ACAT2: variants seen among roughly 807,000 people sequenced by gnomAD.
The protein encoded by ACAT2 is acetyl-CoA acetyltransferase 2.
A neutral mutation model predicts 37.1 loss-of-function variants in ACAT2; 26 were observed. The observed-to-expected ratio is 0.70, with a 90% CI of 0.51 to 0.97. The LOEUF (loss-of-function observed/expected upper bound fraction) is 0.97. ACAT2 is among the 50% of genes least tolerant of loss of function. The probability of loss-of-function intolerance (pLI) is 0.00; values close to 1 mark genes in which losing one functional copy is unlikely to be tolerated. For missense variants in ACAT2, 468 were observed against 489.0 expected (o/e 0.96, Z 0.40); for synonymous variants, 156 against 163.6 (o/e 0.95, Z 0.35).
At chr6:159,776,791 CTTTT>C (rs575925293) in intron 6 of ACAT2, among the ~76,000 whole-genome samples, 1 of 151,296 alleles carries the variant, frequency 6.6e-6, no homozygotes, top group Non-Finnish European at 1.5e-5. Flanking sequence ...TGCTGTAATC[CTTTT>C]TTTTTCTTTT....
At position 159,778,522 on chromosome 6, in the gene ACAT2, T is replaced by TCAC. The variant is rs1780485310; in HGVS notation, c.1024-137_1024-136insCAC. Reference sequence around the variant, plus strand: ...ATGAATTTTCACAAAGGTGTAAATTTATTCCTAAGCAGTTAAAATGAAAAT... The same window carrying TCAC: ...ATGAATTTTCACAAAGGTGTAAATTTCACATTCCTAAGCAGTTAAAATGAAAAT... On this transcript the variant is annotated intron_variant, in intron 8 of 8. Transcript: ENST00000367048. The TCAC allele has an allele frequency of 3.0e-6, 3 of 995,322 alleles. No individual in the cohort carries two copies. In the East Asian group the frequency reaches 7.8e-5, roughly 26 times the overall value. The allele number at this position is 995,322 out of a possible 1,614,324, so 61.7% of individuals were successfully genotyped here. A position where few individuals can be genotyped will look rare whatever the true frequency, so the allele number is the denominator to read the frequency against.
intron 4 of ACAT2, among the ~76,000 whole-genome samples, chr6:159,770,631 G>A (rs1201432216): frequency 6.6e-6 from 1 of 151,660 alleles, no homozygotes; most frequent in Admixed American, 6.6e-5. Flanking sequence ...GAGCAACATA[G>A]TTAGACCTCA....
At chr6:159,762,328 C>T in intron 1 of ACAT2, 186 bp downstream of exon 1, 1 of 1,215,468 alleles carries the variant, frequency 8.2e-7, no homozygotes, top group East Asian at 2.6e-5. Context: ...TACAGCCCCA[C>T]CCTCTCCTCT....
At chr6:159,775,138 G>A (rs1780392569) in intron 4 of ACAT2, 32 bp from the exon 5 acceptor site, 2 of 1,611,020 alleles carry the variant, frequency 1.2e-6, no homozygotes, top group Admixed American at 1.7e-5. Flanking sequence ...TCATGAAAAT[G>A]TTAGTTTTTT....
rs374401737 is a variant in ACAT2 at position 159,762,662 on chromosome 6, A to C, written c.56-257A>C. The C allele has an allele frequency of 8.3e-5, 121 of 1,466,054 alleles. No homozygotes were observed. In the African/African-American group the frequency reaches 1.5e-3, roughly 18 times the overall value. The allele number at this position is 1,466,054 out of a possible 1,614,324, so 90.8% of individuals were successfully genotyped here. A position where few individuals can be genotyped will look rare whatever the true frequency, so the allele number is the denominator to read the frequency against. ...CATGGGGTCGCATCCAGTCCTTCGG[A>C]TTTGGGGAAATAGAAGGGCTACAGC... On this transcript the variant is annotated intron_variant, in intron 1 of 8. Coordinates refer to ENST00000367048, the MANE Select transcript of ACAT2 (RefSeq NM_005891.3).
intron 1 of ACAT2, chr6:159,762,707 G>A (rs1018507800): frequency 1.4e-5 from 22 of 1,522,508 alleles, no homozygotes; most frequent in Non-Finnish European, 1.8e-5. Flanking sequence ...AGGCCGTTCT[G>A]GAGGTCGCCT....
In ACAT2 at chr6:159,777,464, T is replaced by C. The variant is rs372017585; in HGVS notation, c.912+8T>C. On this transcript the variant is annotated splice_region_variant and intron_variant, in intron 7 of 8. Transcript: ENST00000367048. ...CCAGCCATAAAGCAAGCTGTGAGTATAACCCTATTCCCTTTTATGAAATTT... is the reference window on the plus strand; with the variant it reads ...CCAGCCATAAAGCAAGCTGTGAGTACAACCCTATTCCCTTTTATGAAATTT... The C allele has an allele frequency of 4.3e-6, 7 of 1,611,162 alleles. No homozygotes were observed. Among genetic ancestry groups the C allele is most frequent in the Admixed American group, 1.7e-5 (1 of 59,318 alleles).
At position 159,766,995 on chromosome 6, in the gene ACAT2, C is replaced by T. The variant is rs760510377; in HGVS notation, c.191-10C>T. 6.2e-7 allele frequency: 1 copy of T among 1,613,836 alleles called. No homozygotes were observed. Among genetic ancestry groups the T allele is most frequent in the East Asian group, 2.2e-5 (1 of 44,874 alleles). On this transcript the variant is annotated splice_polypyrimidine_tract_variant and intron_variant, in intron 2 of 8. Transcript: ENST00000367048. ...TGATTGCTAAGAGTCCTCTGTGTTC[C>T]TCTTTCTAGGCTGTGGGCAGAATCC...
At chr6:159,769,229 C>T (rs1340601896) in intron 4 of ACAT2, among the ~76,000 whole-genome samples, 1 of 152,126 alleles carries the variant, frequency 6.6e-6, no homozygotes. Flanking sequence ...CAAGAGGGAA[C>T]TGTGTGCATG....
Position 159,762,352 on chromosome 6 carries a change from C to T in ACAT2, c.55+210C>T, listed in dbSNP as rs929941048. The T allele has an allele frequency of 3.9e-6, 5 of 1,272,664 alleles. No homozygotes were observed. The African/African-American group carries it at 7.6e-5, about 19-fold the overall frequency. 78.8% of individuals were successfully genotyped at this position (1,272,664 alleles called of 1,614,324 possible). ...ACCCTCTCCTCTCCCGATGTGCGCA[C>T]TCCGTCCCTCGTGCTTGGATTGGCT... On this transcript the variant is annotated intron_variant, in intron 1 of 8. Coordinates refer to ENST00000367048, the MANE Select transcript of ACAT2 (RefSeq NM_005891.3).
intron 4 of ACAT2, among the ~76,000 whole-genome samples, chr6:159,773,120 C>G (rs1329356997): frequency 6.6e-6 from 1 of 152,150 alleles, no homozygotes; most frequent in African/African-American, 2.4e-5. Flanking sequence ...TCCCAAAGTG[C>G]TGGGATTACA....
intron 1 of ACAT2, 108 bp from the exon 2 acceptor site, chr6:159,762,811 T>C: frequency 6.3e-7 from 1 of 1,593,276 alleles, no homozygotes; most frequent in South Asian, 1.1e-5. Flanking sequence ...GGGCACTGCC[T>C]CCTCGCGTGG....
At chr6:159,776,936 A>C (rs78846709) in intron 6 of ACAT2, among the ~76,000 whole-genome samples, 1 of 152,028 alleles carries the variant, frequency 6.6e-6, no homozygotes, top group African/African-American at 2.4e-5. Flanking sequence ...CTACAGGCGC[A>C]CACCACCACA....
At chr6:159,765,363 G>T (rs1259484299) in intron 2 of ACAT2, among the ~76,000 whole-genome samples, 1 of 151,064 alleles carries the variant, frequency 6.6e-6, no homozygotes, top group Admixed American at 6.6e-5. Context: ...TTATCCACCC[G>T]CCTCGGCCTC....
rs748574249 is a variant in ACAT2, at chr6:159,777,382, A to T, written c.838A>T (p.Ile280Leu). Reference protein sequence around the residue: ...DKRGLTPLARIVSWSQVGVEP... With the variant: ...DKRGLTPLARLVSWSQVGVEP... Reference sequence around the variant, plus strand: ...ACGTGGGCTTACACCTTTAGCACGGATAGTTTCCTGGTCCCAAGTGGGTGT... The same window carrying T: ...ACGTGGGCTTACACCTTTAGCACGGTTAGTTTCCTGGTCCCAAGTGGGTGT... Residue 280 changes from isoleucine to leucine, a missense_variant, in exon 7 of 9, where the codon ATA (isoleucine) becomes TTA (leucine). Transcript: ENST00000367048. The T allele has an allele frequency of 1.2e-6, 2 of 1,614,210 alleles. No individual in the cohort carries two copies. The highest frequency in any genetic ancestry group is 8.5e-7 in the Non-Finnish European group (1 of 1,180,024).
At chr6:159,762,674 A>G (rs1338339436) in intron 1 of ACAT2, 1 of 1,482,230 alleles carries the variant, frequency 6.7e-7, no homozygotes, top group Admixed American at 2.0e-5. Context: ...TTGGGGAAAT[A>G]GAAGGGCTAC....
In ACAT2 at chr6:159,776,257, C is replaced by G. The variant is rs1245128932; in HGVS notation, c.742C>G (p.Pro248Ala). 6.2e-7 allele frequency: 1 copy of G among 1,614,090 alleles called. No individual in the cohort carries two copies. Among genetic ancestry groups the G allele is most frequent in the Non-Finnish European group, 8.5e-7 (1 of 1,179,982 alleles). The change falls in exon 6 of 9, where the codon CCA becomes GCA. Residue 248 changes from proline (P) to alanine (A), a missense_variant. By Grantham distance (27) the Pro-to-Ala change is conservative. Transcript: ENST00000367048. ...FLTDGTGTVT[P>A]ANASGINDGA... ...TACTGATGGAACGGGAACAGTCACC[C>G]CAGCCAATGCTTCAGGTTAGATTTT... is the stretch of plus-strand genomic sequence containing the variant.
intron 4 of ACAT2, among the ~76,000 whole-genome samples, chr6:159,774,701 A>G (rs1374382785): frequency 1.3e-5 from 2 of 152,206 alleles, no homozygotes; most frequent in African/African-American, 2.4e-5. Context: ...TCGGCCTCCC[A>G]AAATGCTGGG....
In ACAT2 at chr6:159,778,300, CCT is replaced by C; in HGVS notation, c.1023+21_1023+22del. ...GAGAAGGTAAAGATGCACAAGTAAC[CCT>C]GAGAGCTTACCAGTGAATTTCACAA... On this transcript the variant is annotated intron_variant, in intron 8 of 8. Transcript: ENST00000367048. 1 of 1,516,258 alleles carries C rather than the reference CCT, an allele frequency of 6.6e-7. No homozygotes were observed. Among genetic ancestry groups the C allele is most frequent in the Non-Finnish European group, 9.0e-7 (1 of 1,105,996 alleles). The allele number at this position is 1,516,258 out of a possible 1,614,324, so 93.9% of individuals were successfully genotyped here.
Sources: allele counts gnomAD v4.1 joint callset (sites outside exome capture counted in the v4.1 genomes callset), GRCh38; gene constraint gnomAD v4.1.1; transcripts MANE v1.5; gene names NCBI Gene and HGNC (gene_info 2026-07-23, HGNC 2026-07-21).